FNDC3A: variants seen among roughly 807,000 people sequenced by gnomAD.
The protein encoded by FNDC3A is fibronectin type-III domain-containing protein 3A.
Under a neutral mutation model 148.9 loss-of-function variants are expected in FNDC3A, and 32 were observed. That is an observed-to-expected ratio of 0.21 (90% CI 0.16 to 0.29). The LOEUF (loss-of-function observed/expected upper bound fraction) is 0.29. Ranked by LOEUF, FNDC3A falls within the 10% of genes least tolerant of loss-of-function variation. FNDC3A has a pLI of 1.00. For missense variants in FNDC3A, 1,191 were observed against 1,452.8 expected (o/e 0.82, Z 2.93); for synonymous variants, 472 against 473.6 (o/e 1.00, Z 0.04).
intron 3 of FNDC3A, among the ~76,000 whole-genome samples, chr13:49,096,544 G>T (rs954780605): frequency 6.6e-6 from 1 of 152,012 alleles, no homozygotes; most frequent in Non-Finnish European, 1.5e-5. Flanking sequence ...TAGTCTTAAT[G>T]TGCTGAAGTT....
In FNDC3A at chr13:48,995,402, A is replaced by G. The variant is rs548835316; in HGVS notation, c.-39-10750A>G. On this transcript the variant is annotated intron_variant, in intron 1 of 25. Transcript: ENST00000492622. The stretch of plus-strand genomic sequence containing the variant: ...TTTTATACTTCCAGTATCCAAAGAT[A>G]TGAAAAAAGTGAGCATGGGGAGAGA... 1.5e-4 allele frequency among the ~76,000 whole-genome samples: 23 copies of G among 152,084 alleles called. No individual in the cohort carries two copies. The South Asian group carries it at 4.8e-3, about 32-fold the overall frequency.
At chr13:48,975,868 G>A (rs1363338646), upstream of FNDC3A, 3 of 151,236 alleles carry the variant, frequency 2.0e-5, no homozygotes, top group Non-Finnish European at 4.4e-5. Context: ...CTCCGTCGGC[G>A]GGGCCCGCGC....
In FNDC3A at chr13:49,081,431, C is replaced by T. The variant is rs529381768; in HGVS notation, c.175+6067C>T. ...AGGGCAGTAGTTAAGCAGAAGGGTA[C>T]TTGGGTTTGAGTTCAAACTTTGCCA... is the stretch of plus-strand genomic sequence containing the variant. On this transcript the variant is annotated intron_variant, in intron 3 of 25. Coordinates refer to ENST00000492622, the MANE Select transcript of FNDC3A (RefSeq NM_001079673.2). Among the ~76,000 whole-genome samples, 5 of 152,254 alleles carry T rather than the reference C, an allele frequency of 3.3e-5. No homozygotes were observed. The South Asian group carries it at 1.0e-3, about 32-fold the overall frequency.
chr13:48,995,489 T>A (rs1000452556), intron 1 of FNDC3A, among the ~76,000 whole-genome samples: 7 of 152,180 alleles, frequency 4.6e-5, no homozygotes, highest in East Asian at 3.8e-4. Flanking sequence ...TGTCTTTTTT[T>A]AAATTTAATA....
At chr13:49,195,506 T>TA (rs1408508079) in intron 19 of FNDC3A, among the ~76,000 whole-genome samples, 2 of 152,212 alleles carry the variant, frequency 1.3e-5, no homozygotes, top group Non-Finnish European at 2.9e-5. Flanking sequence ...TTTAAAGTAT[T>TA]ATACTGTTAT....
chr13:49,065,418 A>T (rs1877200086), intron 2 of FNDC3A, among the ~76,000 whole-genome samples: 1 of 152,224 alleles, frequency 6.6e-6, no homozygotes, highest in Admixed American at 6.5e-5. Context: ...ACTGGGGACC[A>T]CCAGTGTAAC....
intron 2 of FNDC3A, among the ~76,000 whole-genome samples, chr13:49,071,115 G>A (rs1000760367): frequency 4.2e-5 from 6 of 141,950 alleles, no homozygotes; most frequent in African/African-American, 1.6e-4. Context: ...GCCCAGGTTG[G>A]CCTTGCGCTC....
intron 8 of FNDC3A, among the ~76,000 whole-genome samples, chr13:49,153,188 C>G (rs896441932): frequency 6.6e-6 from 1 of 151,262 alleles, no homozygotes; most frequent in Non-Finnish European, 1.5e-5. Context: ...CTGTTGTTTC[C>G]TGACTTTTTA....
chr13:49,018,010 C>T (rs1872955815), intron 2 of FNDC3A, among the ~76,000 whole-genome samples: 1 of 152,042 alleles, frequency 6.6e-6, no homozygotes, highest in Non-Finnish European at 1.5e-5. Context: ...GGTAACCCGA[C>T]CCTTCTCTCT....
rs201938953 is a variant in FNDC3A, at chr13:49,185,846, T to TA, written c.1618-110dup. Reference sequence around the variant, plus strand: ...TCTCAAAGAACAAGCCATTCCAAGCTAAAAAAAATGTATTTTATCATTTGG... The same window carrying TA: ...TCTCAAAGAACAAGCCATTCCAAGCTAAAAAAAAATGTATTTTATCATTTGG... On this transcript the variant is annotated intron_variant, in intron 14 of 25. Coordinates refer to ENST00000492622, the MANE Select transcript of FNDC3A (RefSeq NM_001079673.2). The TA allele has an allele frequency of 6.8e-4, 509 of 753,262 alleles. 3 individuals carry two copies. The highest frequency in any genetic ancestry group is 3.7e-3 in the African/African-American group (211 of 56,846). 46.7% of individuals were successfully genotyped at this position (753,262 alleles called of 1,614,324 possible).
chr13:49,144,038 A>C lies in FNDC3A; in HGVS notation c.820-1740A>C, dbSNP rs140545062. Among the ~76,000 whole-genome samples the C allele has an allele frequency of 8.5e-3, 1,249 of 146,242 alleles. 16 individuals are homozygous for C. The highest frequency in any genetic ancestry group is 0.056 in the East Asian group (275 of 4,900). ...GCTACTACTACTACTACTACTAATA[A>C]TAATAATAATAATAAAGTAGATGCC... On this transcript the variant is annotated intron_variant, in intron 7 of 25. Coordinates refer to ENST00000492622, the MANE Select transcript of FNDC3A (RefSeq NM_001079673.2).
chr13:49,142,059 A>C (rs1882720161), intron 7 of FNDC3A, among the ~76,000 whole-genome samples: 1 of 152,240 alleles, frequency 6.6e-6, no homozygotes, highest in Admixed American at 6.5e-5. Flanking sequence ...GTAAGAATCA[A>C]GTGATATGGA....
chr13:49,077,147 G>A (rs1370963896), intron 3 of FNDC3A, among the ~76,000 whole-genome samples: 1 of 152,184 alleles, frequency 6.6e-6, no homozygotes, highest in African/African-American at 2.4e-5. Context: ...AGTGGCGCAC[G>A]CCTGCTGTCC....
At chr13:49,086,504 A>G (rs1317342767) in intron 3 of FNDC3A, among the ~76,000 whole-genome samples, 1 of 152,218 alleles carries the variant, frequency 6.6e-6, no homozygotes, top group Admixed American at 6.5e-5. Context: ...GATTGATATT[A>G]TAAGAATTTT....
At chr13:49,003,637 A>G (rs576099095) in intron 1 of FNDC3A, among the ~76,000 whole-genome samples, 28 of 152,262 alleles carry the variant, frequency 1.8e-4, no homozygotes, top group African/African-American at 6.5e-4. Context: ...GGTTATGAAG[A>G]TATTCTTCTG....
chr13:48,977,795 A>G (rs1951629682), intron 1 of FNDC3A, among the ~76,000 whole-genome samples: 1 of 152,170 alleles, frequency 6.6e-6, no homozygotes, highest in Non-Finnish European at 1.5e-5. Context: ...TAAATCTTAT[A>G]TTTAAATTTT....
intron 2 of FNDC3A, among the ~76,000 whole-genome samples, chr13:49,060,772 A>C (rs142971728): frequency 6.6e-6 from 1 of 152,174 alleles, no homozygotes; most frequent in Non-Finnish European, 1.5e-5. Flanking sequence ...TGTTTATATT[A>C]AACATCCAAA....
chr13:49,191,681 G>A lies in FNDC3A; in HGVS notation c.2226+297G>A, dbSNP rs916511796. On this transcript the variant is annotated intron_variant, in intron 19 of 25. Transcript: ENST00000492622. ...TAGAGTTTACTTAATCAATTTAAGA[G>A]TAGAAATAAAATCATAAGTACTGAA... Among the ~76,000 whole-genome samples, 10 of 152,306 alleles carry A rather than the reference G, an allele frequency of 6.6e-5. No individual in the cohort carries two copies. In the East Asian group the frequency reaches 1.5e-3, roughly 23 times the overall value.
chr13:49,003,703 C>T lies in FNDC3A; in HGVS notation c.-39-2449C>T, dbSNP rs181829017. ...AACCTTGTATATTCAGATCTGCAAC[C>T]TCTCTGACATTTAAAACAACATTGT... On this transcript the variant is annotated intron_variant, in intron 1 of 25. Transcript: ENST00000492622. 5.3e-3 allele frequency among the ~76,000 whole-genome samples: 804 copies of T among 152,068 alleles called. 7 individuals are homozygous for T. Among genetic ancestry groups the T allele is most frequent in the African/African-American group, 0.019 (768 of 41,482 alleles).
Sources: gnomAD v4.1 joint callset for allele counts (sites outside exome capture counted in the v4.1 genomes callset) on GRCh38, gnomAD v4.1.1 for gene constraint, MANE v1.5 for transcripts, NCBI Gene and HGNC (gene_info 2026-07-23, HGNC 2026-07-21) for gene names.